CFDP1: variants seen among roughly 807,000 people sequenced by gnomAD.
CFDP1 encodes the protein heterochromatin-stabilizing protein CFDP1.
A neutral mutation model predicts 40.1 loss-of-function variants in CFDP1; 31 were observed. The ratio of observed to expected loss-of-function variants is 0.77; its 90% CI spans 0.58 to 1.04. CFDP1 has a LOEUF of 1.04. Among genes scored for constraint, CFDP1 ranks in the 50% least tolerant of loss-of-function variants. The probability of loss-of-function intolerance (pLI) is 0.00; values close to 1 mark genes in which losing one functional copy is unlikely to be tolerated. For missense variants in CFDP1, 423 were observed against 343.4 expected, an observed-to-expected ratio of 1.23 and a Z score of -1.83; for synonymous variants, 167 against 120.0, an observed-to-expected ratio of 1.39 and a Z score of -2.56.
chr16:75,423,044 G>A (rs865800526), intron 1 of CFDP1, among the ~76,000 whole-genome samples: 35 of 152,162 alleles, frequency 2.3e-4, no homozygotes, highest in African/African-American at 7.5e-4. Flanking sequence ...ACTTTGGGAG[G>A]CCGAGGTGGG....
At chr16:75,324,097 TTTC>T (rs2078386192) in intron 5 of CFDP1, among the ~76,000 whole-genome samples, 1 of 152,208 alleles carries the variant, frequency 6.6e-6, no homozygotes, top group Non-Finnish European at 1.5e-5. Flanking sequence ...GATAGACAGA[TTTC>T]TTACCCTCAT....
intron 5 of CFDP1, 117 bp downstream of exon 5, chr16:75,394,973 C>T: frequency 1.6e-6 from 2 of 1,250,706 alleles, no homozygotes; most frequent in Non-Finnish European, 2.2e-6. Flanking sequence ...AAAGGCAAAG[C>T]AGCATCATAA....
At chr16:75,427,515 T>C (rs769613346) in intron 1 of CFDP1, among the ~76,000 whole-genome samples, 2 of 152,132 alleles carry the variant, frequency 1.3e-5, no homozygotes, top group Admixed American at 6.6e-5. Flanking sequence ...CCTCCCAAAG[T>C]GGTGGGAATA....
rs2151495549 is a variant in CFDP1, at chr16:75,293,874, A to G, written c.*78T>C. 8.5e-7 allele frequency: 1 copy of G among 1,172,356 alleles called. No individual in the cohort carries two copies. Among genetic ancestry groups the G allele is most frequent in the Middle Eastern group, 1.9e-4 (1 of 5,132 alleles). The allele number at this position is 1,172,356 out of a possible 1,614,324, so 72.6% of individuals were successfully genotyped here. ...TGCTGGGAAACAGATGATGAGAAAC[A>G]CTGTAAAACATTTCACAGACGCACA... On this transcript the variant is annotated 3_prime_UTR_variant, in exon 7 of 7. Transcript: ENST00000283882.
At chr16:75,315,482 A>G (rs2078318548) in intron 5 of CFDP1, among the ~76,000 whole-genome samples, 1 of 151,972 alleles carries the variant, frequency 6.6e-6, no homozygotes, top group Non-Finnish European at 1.5e-5. Flanking sequence ...TGTAACCTTA[A>G]GGTGGTAACT....
intron 5 of CFDP1, among the ~76,000 whole-genome samples, chr16:75,357,701 G>A (rs2078653996): frequency 6.6e-6 from 1 of 152,198 alleles, no homozygotes; most frequent in Admixed American, 6.5e-5. Context: ...GGAATGTTGT[G>A]TGGTTGGTTT....
rs398058379 is a variant in CFDP1 at position 75,323,433 on chromosome 16, CT to C, written c.651-18252del. 7.3e-3 allele frequency among the ~76,000 whole-genome samples: 1,031 copies of C among 142,078 alleles called. 7 individuals are homozygous for C. The highest frequency in any genetic ancestry group is 0.02 in the African/African-American group (764 of 38,966). The allele number at this position is 142,078 out of a possible 152,430, so 93.2% of individuals were successfully genotyped here. A position where few individuals can be genotyped will look rare whatever the true frequency, so the allele number is the denominator to read the frequency against. Reference sequence around the variant, plus strand: ...ACCTGCCTGAGGCTGTTTTACTTAACTTTTTTTTTTTTTTTAACAAGTAGAA... The same window carrying C: ...ACCTGCCTGAGGCTGTTTTACTTAACTTTTTTTTTTTTTTAACAAGTAGAA... On this transcript the variant is annotated intron_variant, in intron 5 of 6. Coordinates refer to ENST00000283882, the MANE Select transcript of CFDP1 (RefSeq NM_006324.3).
chr16:75,361,891 G>A (rs901823715), intron 5 of CFDP1, among the ~76,000 whole-genome samples: 3 of 151,914 alleles, frequency 2.0e-5, no homozygotes, highest in Middle Eastern at 3.4e-3. Context: ...ATTATTTTTC[G>A]CTCTCTTCCT....
At chr16:75,314,543 G>A (rs1383792872) in intron 5 of CFDP1, among the ~76,000 whole-genome samples, 1 of 152,138 alleles carries the variant, frequency 6.6e-6, no homozygotes, top group East Asian at 1.9e-4. Flanking sequence ...TCTTTTTGGA[G>A]TAATGAATAT....
At chr16:75,350,277 A>G (rs932591424) in intron 5 of CFDP1, among the ~76,000 whole-genome samples, 2 of 152,178 alleles carry the variant, frequency 1.3e-5, no homozygotes, top group Non-Finnish European at 2.9e-5. Context: ...TAGGTTGTAT[A>G]CAGCTCTATG....
At chr16:75,375,675 C>T (rs1476671211) in intron 5 of CFDP1, among the ~76,000 whole-genome samples, 8 of 151,930 alleles carry the variant, frequency 5.3e-5, no homozygotes, top group Non-Finnish European at 1.2e-4. Context: ...ACCTGTAGTC[C>T]CAGCTACTCC....
intron 5 of CFDP1, among the ~76,000 whole-genome samples, chr16:75,379,250 T>G (rs1023823556): frequency 6.7e-6 from 1 of 148,638 alleles, no homozygotes; most frequent in African/African-American, 2.5e-5. Context: ...TAAATGAAAT[T>G]GAAAACATAA....
chr16:75,329,355 C>T (rs1035433335), intron 5 of CFDP1, among the ~76,000 whole-genome samples: 5 of 152,286 alleles, frequency 3.3e-5, no homozygotes, highest in Middle Eastern at 6.8e-3. Flanking sequence ...GTGATTGCCC[C>T]TGGCAAGTGG....
At chr16:75,301,170 T>C (rs981546231) in intron 6 of CFDP1, among the ~76,000 whole-genome samples, 1 of 152,240 alleles carries the variant, frequency 6.6e-6, no homozygotes. Flanking sequence ...GCCTTTCTTC[T>C]ACTTATTTAA....
chr16:75,401,681 T>C (rs1297259929), intron 4 of CFDP1, among the ~76,000 whole-genome samples: 1 of 152,136 alleles, frequency 6.6e-6, no homozygotes. Flanking sequence ...TGAAATCAAA[T>C]GGCCTAAGTG....
intron 6 of CFDP1, among the ~76,000 whole-genome samples, chr16:75,294,692 C>A (rs1010631): frequency 1.3e-5 from 2 of 151,836 alleles, no homozygotes; most frequent in African/African-American, 4.8e-5. Context: ...ACCCTGTTTG[C>A]GTCTAGGTTG....
intron 5 of CFDP1, among the ~76,000 whole-genome samples, chr16:75,321,737 A>G (rs1369387090): frequency 1.3e-5 from 2 of 152,234 alleles, no homozygotes; most frequent in Admixed American, 6.5e-5. Flanking sequence ...TTAAGATTAT[A>G]TATAAGCATC....
chr16:75,433,058 G>A (rs745667473), intron 1 of CFDP1, among the ~76,000 whole-genome samples: 16 of 152,238 alleles, frequency 1.1e-4, no homozygotes, highest in Non-Finnish European at 1.9e-4. Context: ...CGCGCTGCAA[G>A]AGGGGGCGGC....
intron 6 of CFDP1, among the ~76,000 whole-genome samples, chr16:75,299,512 G>A (rs570828252): frequency 1.3e-5 from 2 of 151,658 alleles, no homozygotes; most frequent in Non-Finnish European, 2.9e-5. Context: ...GGAGAATGGC[G>A]TGAACCCGGG....
Sources: gnomAD v4.1 joint callset for allele counts (sites outside exome capture counted in the v4.1 genomes callset) on GRCh38, gnomAD v4.1.1 for gene constraint, MANE v1.5 for transcripts, NCBI Gene and HGNC (gene_info 2026-07-23, HGNC 2026-07-21) for gene names.